The following MEF2A variants were observed in gnomAD, a reference collection of about 807,000 sequenced individuals.
The protein encoded by MEF2A is myocyte-specific enhancer factor 2A.
MEF2A carries 28 observed loss-of-function variants against 55.8 expected under a neutral mutation model. That is an observed-to-expected ratio of 0.50 (90% CI 0.37 to 0.69). The LOEUF (loss-of-function observed/expected upper bound fraction) is 0.69, where lower values mean the gene tolerates loss of function less well. MEF2A is among the 30% of genes least tolerant of loss of function. The pLI, the probability that MEF2A is intolerant of heterozygous loss-of-function variation, is 0.00. For missense variants in MEF2A, 528 were observed against 626.2 expected (o/e 0.84, Z 1.67); for synonymous variants, 239 against 227.1 (o/e 1.05, Z -0.47).
At chr15:99,693,427 ACACACACACAGATGTATGCACG>A (rs1330893438) in intron 8 of MEF2A, among the ~76,000 whole-genome samples, 2 of 152,020 alleles carry the variant, frequency 1.3e-5, no homozygotes, top group African/African-American at 4.8e-5. Context: ...ACGCATGCAC[ACACACACACAGATGTATGCACG>A]CACACACACT....
chr15:99,685,764 C>T (rs140785632), intron 7 of MEF2A, among the ~76,000 whole-genome samples: 3 of 152,178 alleles, frequency 2.0e-5, no homozygotes, highest in Non-Finnish European at 4.4e-5. Context: ...GGGTATTGGT[C>T]TGTAGTTTAC....
intron 10 of MEF2A, among the ~76,000 whole-genome samples, chr15:99,710,317 A>T (rs1368967716): frequency 6.6e-6 from 1 of 152,164 alleles, no homozygotes; most frequent in Non-Finnish European, 1.5e-5. Context: ...ACCTCGGCTC[A>T]CTGCAGCCTC....
chr15:99,578,545 A>G (rs1211708807), intron 1 of MEF2A, among the ~76,000 whole-genome samples: 2 of 152,080 alleles, frequency 1.3e-5, no homozygotes, highest in Non-Finnish European at 2.9e-5. Context: ...GTTTTGGGGG[A>G]TAGCATTTAG....
chr15:99,712,532 CAGCA>C lies in MEF2A; in HGVS notation c.1280_1283del (p.Gln427ArgfsTer29), dbSNP rs1567520534. The C allele has an allele frequency of 3.6e-5, 56 of 1,537,178 alleles. No homozygotes were observed. The Middle Eastern group carries it at 5.0e-4, about 14-fold the overall frequency. On this transcript the variant is annotated frameshift_variant, in exon 12 of 12. Coordinates refer to ENST00000557942, the MANE Select transcript of MEF2A (RefSeq NM_001319206.4). LOFTEE classifies it high-confidence loss of function. This position sits in a 1 kb window ranked among gnomAD's most constrained non-coding sequence, Gnocchi z 4.1. ...GCAGCAGCAGCAGCAGCAGCAGCAG[CAGCA>C]GCCGCCGCCACCACCGCAGCCCCAG...
chr15:99,658,855 A>G (rs1381642212), intron 4 of MEF2A, among the ~76,000 whole-genome samples: 1 of 152,090 alleles, frequency 6.6e-6, no homozygotes, highest in Non-Finnish European at 1.5e-5. Flanking sequence ...CAATCAAACC[A>G]TCTACTGCTT....
intron 10 of MEF2A, among the ~76,000 whole-genome samples, chr15:99,708,572 CACTT>C (rs778630170): frequency 4.6e-5 from 7 of 152,220 alleles, no homozygotes; most frequent in Admixed American, 6.5e-5. Flanking sequence ...TTTCTCGTAA[CACTT>C]ACTCTGTTTG....
chr15:99,584,636 T>C (rs772821812), intron 1 of MEF2A, among the ~76,000 whole-genome samples: 1 of 152,086 alleles, frequency 6.6e-6, no homozygotes, highest in Non-Finnish European at 1.5e-5. Context: ...GGCAAATGTA[T>C]AGAGACAGAA....
At chr15:99,699,575 A>G (rs933009223) in intron 8 of MEF2A, among the ~76,000 whole-genome samples, 2 of 152,226 alleles carry the variant, frequency 1.3e-5, no homozygotes, top group Non-Finnish European at 2.9e-5. Context: ...GGAGCCCAAG[A>G]TGGAATGCAT....
chr15:99,705,183 G>A (rs1384073118), intron 9 of MEF2A, among the ~76,000 whole-genome samples: 1 of 152,226 alleles, frequency 6.6e-6, no homozygotes, highest in Non-Finnish European at 1.5e-5. Context: ...AGACTGTACT[G>A]TTAAGACCAG....
chr15:99,656,509 A>T (rs1017400629), intron 4 of MEF2A, among the ~76,000 whole-genome samples: 10 of 152,144 alleles, frequency 6.6e-5, no homozygotes, highest in African/African-American at 2.4e-4. Flanking sequence ...ACACAAAATT[A>T]CTTGAATAGA....
intron 8 of MEF2A, among the ~76,000 whole-genome samples, chr15:99,700,183 T>TACACACACACACAC (rs1381649060): frequency 6.0e-4 from 28 of 46,528 alleles, no homozygotes; most frequent in East Asian, 1.1e-3. Flanking sequence ...TATGTGTGTA[T>TACACACACACACAC]ATATACACAC....
chr15:99,624,466 T>G (rs2041752646), intron 2 of MEF2A, among the ~76,000 whole-genome samples: 1 of 152,248 alleles, frequency 6.6e-6, no homozygotes, highest in Non-Finnish European at 1.5e-5. Flanking sequence ...CTTAGCATCC[T>G]TTTTGAAAAT....
In MEF2A at chr15:99,591,862, T is replaced by A. The variant is rs1052287848; in HGVS notation, c.-224-6568T>A. Among the ~76,000 whole-genome samples, 53 of 152,180 alleles carry A rather than the reference T, an allele frequency of 3.5e-4. 1 individual carries two copies. Among genetic ancestry groups the A allele is most frequent in the Non-Finnish European group, 4.4e-5 (3 of 68,026 alleles). On this transcript the variant is annotated intron_variant, in intron 1 of 11. Coordinates refer to ENST00000557942, the MANE Select transcript of MEF2A (RefSeq NM_001319206.4). ...TAAAAATCATTTTCTTTTTTGTTCC[T>A]TTAAAAAAATCGTTTAATATATTTA...
At chr15:99,684,912 C>T (rs1230126831) in intron 7 of MEF2A, among the ~76,000 whole-genome samples, 1 of 152,160 alleles carries the variant, frequency 6.6e-6, no homozygotes, top group African/African-American at 2.4e-5. Flanking sequence ...CTACATGTGG[C>T]TTGCCTATTA....
intron 2 of MEF2A, among the ~76,000 whole-genome samples, chr15:99,619,045 C>A (rs1555460076): frequency 6.6e-6 from 1 of 152,120 alleles, no homozygotes; most frequent in Non-Finnish European, 1.5e-5. Context: ...ATTGTAACAC[C>A]TCTGGCATGG....
chr15:99,685,943 C>CT (rs1259333468), intron 7 of MEF2A, among the ~76,000 whole-genome samples: 4 of 151,336 alleles, frequency 2.6e-5, no homozygotes, highest in East Asian at 1.9e-4. Flanking sequence ...TGGTCTTGGA[C>CT]TTTTTTTTTA....
chr15:99,659,512 GT>G (rs960983950), intron 4 of MEF2A, among the ~76,000 whole-genome samples: 1 of 152,128 alleles, frequency 6.6e-6, no homozygotes, highest in African/African-American at 2.4e-5. Context: ...GGTTGAAGTT[GT>G]TCCTGATTAC....
intron 4 of MEF2A, chr15:99,657,458 A>G (rs1012245780): frequency 3.3e-5 from 5 of 152,264 alleles, no homozygotes; most frequent in Non-Finnish European, 7.4e-5. Flanking sequence ...AAAACTAGAT[A>G]AACTGTAAAA....
chr15:99,647,222 C>A (rs1230540628), intron 4 of MEF2A, among the ~76,000 whole-genome samples: 1 of 151,224 alleles, frequency 6.6e-6, no homozygotes, highest in Non-Finnish European at 1.5e-5. Context: ...ATTAGGGTAT[C>A]ATTCAGGTAA....
Sources: gnomAD v4.1 joint callset for allele counts (sites outside exome capture counted in the v4.1 genomes callset) on GRCh38, gnomAD v4.1.1 for gene constraint, Gnocchi (gnomAD v3.1) non-coding constraint, MANE v1.5 for transcripts, NCBI Gene and HGNC (gene_info 2026-07-23, HGNC 2026-07-21) for gene names.